FGF13: variants seen among roughly 807,000 people sequenced by gnomAD.
The protein encoded by FGF13 is fibroblast growth factor 13.
Under a neutral mutation model 19.5 loss-of-function variants are expected in FGF13, and 2 were observed. That is an observed-to-expected ratio of 0.10 (90% CI 0.04 to 0.32). The LOEUF (loss-of-function observed/expected upper bound fraction) is 0.32. Among genes scored for constraint, FGF13 ranks in the 10% least tolerant of loss-of-function variants. The probability of loss-of-function intolerance (pLI) is 1.00; values close to 1 mark genes in which losing one functional copy is unlikely to be tolerated. For synonymous variants in FGF13, 72 were observed against 76.9 expected (o/e 0.94, Z 0.33); for missense variants, 113 against 192.7 (o/e 0.59, Z 2.45).
chrX:139,075,673 A>G (rs1160496904), intron 1 of FGF13, among the ~76,000 whole-genome samples: 1 of 111,711 alleles, frequency 9.0e-6, no homozygotes, highest in Non-Finnish European at 1.9e-5. Flanking sequence ...CAACTTGTCC[A>G]CAGGCTAAAC....
At chrX:139,008,085 C>A (rs2092111507) in intron 1 of FGF13, among the ~76,000 whole-genome samples, 1 of 112,173 alleles carries the variant, frequency 8.9e-6, no homozygotes, top group South Asian at 3.7e-4. Flanking sequence ...TATAATCACC[C>A]AGGGAATATA....
chrX:138,996,856 G>C (rs1437039641), intron 1 of FGF13, among the ~76,000 whole-genome samples: 1 of 111,943 alleles, frequency 8.9e-6, no homozygotes, highest in Non-Finnish European at 1.9e-5. Flanking sequence ...TCCTCAAGTG[G>C]GTCCCTGACC....
At chrX:138,641,392 A>C (rs888865255) in intron 3 of FGF13, among the ~76,000 whole-genome samples, 7 of 111,843 alleles carry the variant, frequency 6.3e-5, no homozygotes, top group Admixed American at 2.9e-4. Context: ...TTGAACAATT[A>C]CTGCCAATAG....
At chrX:138,934,655 G>T (rs1052439567) in intron 1 of FGF13, among the ~76,000 whole-genome samples, 1 of 112,429 alleles carries the variant, frequency 8.9e-6, no homozygotes, top group South Asian at 3.7e-4. Context: ...TCTGTGATTT[G>T]GTTGCTTAGT....
intron 1 of FGF13, among the ~76,000 whole-genome samples, chrX:139,087,437 T>C (rs1360096189): frequency 2.7e-5 from 3 of 112,415 alleles, no homozygotes; most frequent in African/African-American, 9.7e-5. Flanking sequence ...TTTCTTCATT[T>C]ATTTTTCTGG....
intron 1 of FGF13, among the ~76,000 whole-genome samples, chrX:139,099,555 T>A (rs2083494425): frequency 9.0e-6 from 1 of 110,625 alleles, no homozygotes; most frequent in South Asian, 4.0e-4. Context: ...GTACTTCAAC[T>A]TTCTGCCCTT....
At chrX:138,938,407 A>T (rs1386566526) in intron 1 of FGF13, among the ~76,000 whole-genome samples, 1 of 111,851 alleles carries the variant, frequency 8.9e-6, no homozygotes, top group African/African-American at 3.3e-5. Flanking sequence ...CTGCCTGCCA[A>T]ATACCTTTAG....
rs779876177 is a variant in FGF13, at chrX:138,640,031, A to C, written c.403-4376T>G. On this transcript the variant is annotated intron_variant, in intron 3 of 4. Coordinates refer to ENST00000315930, the MANE Select transcript of FGF13 (RefSeq NM_004114.5). ...AATTCTTATCAGTTAGTATCATTAT[A>C]GTATAATGATAATATTTTGGATAAG... Among the ~76,000 whole-genome samples, 3 of 111,216 alleles carry C rather than the reference A, an allele frequency of 2.7e-5. No individual in the cohort carries two copies. The East Asian group carries it at 8.5e-4, about 32-fold the overall frequency.
intron 1 of FGF13, among the ~76,000 whole-genome samples, chrX:139,020,938 C>A (rs1164885584): frequency 2.7e-5 from 3 of 110,397 alleles, no homozygotes; most frequent in African/African-American, 9.9e-5. Flanking sequence ...ATAATAACCT[C>A]AACCAGAAAA....
At position 138,711,314 on chromosome X, in the gene FGF13, G is replaced by A; in HGVS notation, c.-311C>T. ...CGGATGCTGAACTGCGCGACTGCGT[G>A]TGGTCGGCCCCTGCGCCCGGCGGAC... On this transcript the variant is annotated 5_prime_UTR_variant, in exon 1 of 5. Transcript: ENST00000315930. The A allele has an allele frequency of 2.3e-6, 2 of 883,662 alleles. No individual in the cohort carries two copies. Among genetic ancestry groups the A allele is most frequent in the Non-Finnish European group, 2.8e-6 (2 of 718,228 alleles). 72.8% of individuals were successfully genotyped at this position (883,662 alleles called of 1,213,427 possible). A position where few individuals can be genotyped will look rare whatever the true frequency, so the allele number is the denominator to read the frequency against.
intron 3 of FGF13, chrX:138,806,935 T>A (rs1223613145): frequency 1.8e-5 from 2 of 111,355 alleles, no homozygotes; most frequent in African/African-American, 3.3e-5. Flanking sequence ...TGAAAATGTG[T>A]AAATACGCAG....
At chrX:138,794,068 G>C (rs1240951461) in intron 3 of FGF13, among the ~76,000 whole-genome samples, 3 of 111,264 alleles carry the variant, frequency 2.7e-5, no homozygotes, top group African/African-American at 9.8e-5. Flanking sequence ...AGATGGCTCA[G>C]AACAACAGCC....
rs189868533 is a variant in FGF13 at position 138,679,599 on chromosome X, T to G, written c.402+23385A>C. On this transcript the variant is annotated intron_variant, in intron 3 of 4. Transcript: ENST00000315930. Reference sequence around the variant, plus strand: ...TAAAAAGTAGGCTTACACTATATTATGGTCTATAAAGTGTGCAACAGCATT... The same window carrying G: ...TAAAAAGTAGGCTTACACTATATTAGGGTCTATAAAGTGTGCAACAGCATT... 4.4e-4 allele frequency among the ~76,000 whole-genome samples: 50 copies of G among 112,540 alleles called. No homozygotes were observed. In the Middle Eastern group the frequency reaches 0.014, roughly 31 times the overall value.
intron 1 of FGF13, among the ~76,000 whole-genome samples, chrX:139,065,017 C>T (rs778404166): frequency 9.0e-6 from 1 of 110,849 alleles, no homozygotes; most frequent in South Asian, 3.9e-4. Context: ...TTTTTCAGAT[C>T]CATCAGGTCA....
chrX:139,146,106 A>T (rs1226010304), intron 1 of FGF13, among the ~76,000 whole-genome samples: 2 of 111,837 alleles, frequency 1.8e-5, no homozygotes, highest in African/African-American at 6.5e-5. Context: ...AACAAAAGCC[A>T]AAATTGACAA....
At chrX:138,942,368 C>A (rs1218380471) in intron 1 of FGF13, among the ~76,000 whole-genome samples, 1 of 111,717 alleles carries the variant, frequency 9.0e-6, no homozygotes, top group Non-Finnish European at 1.9e-5. Context: ...GGAAAGATGC[C>A]CTCCAAACAA....
intron 2 of FGF13, among the ~76,000 whole-genome samples, chrX:138,706,233 C>T (rs773179683): frequency 1.2e-4 from 14 of 112,604 alleles, no homozygotes; most frequent in Non-Finnish European, 2.3e-4. Context: ...AATGTCCTTC[C>T]TTGCACCCAG....
rs113753775 is a variant in FGF13, at chrX:138,977,067, A to G, written c.-112-112417T>C. Among the ~76,000 whole-genome samples, 204 of 111,814 alleles carry G rather than the reference A, an allele frequency of 1.8e-3. 1 individual carries two copies. Among genetic ancestry groups the G allele is most frequent in the African/African-American group, 6.1e-3 (189 of 30,768 alleles). ...CACATTTAAGATAATCAAAATACTA[A>G]CAATGAACTCTTTGAATCTGAATAT... On this transcript the variant is annotated intron_variant, in intron 1 of 2. Coordinates refer to the FGF13 transcript ENST00000421460.
At chrX:138,912,223 C>T (rs1368880236) in intron 1 of FGF13, among the ~76,000 whole-genome samples, 1 of 112,043 alleles carries the variant, frequency 8.9e-6, no homozygotes, top group Non-Finnish European at 1.9e-5. Flanking sequence ...TCCCCTTTAT[C>T]TACTGAGAAT....
Sources: gnomAD v4.1 joint callset for allele counts (sites outside exome capture counted in the v4.1 genomes callset) on GRCh38, gnomAD v4.1.1 for gene constraint, MANE v1.5 for transcripts, NCBI Gene and HGNC (gene_info 2026-07-23, HGNC 2026-07-21) for gene names.